The following ABLIM1 variants were observed in gnomAD, a reference collection of about 807,000 sequenced individuals.
ABLIM1 encodes actin-binding LIM protein 1.
A neutral mutation model predicts 107.0 loss-of-function variants in ABLIM1; 40 were observed. That is an observed-to-expected ratio of 0.37 (90% CI 0.29 to 0.49). The LOEUF (loss-of-function observed/expected upper bound fraction) is 0.49, where lower values mean the gene tolerates loss of function less well. ABLIM1 is among the 20% of genes least tolerant of loss of function. The pLI, the probability that ABLIM1 is intolerant of heterozygous loss-of-function variation, is 0.97. For synonymous variants in ABLIM1, 357 were observed against 357.3 expected, an observed-to-expected ratio of 1.00 and a Z score of 0.01; for missense variants, 857 against 1,008.5, an observed-to-expected ratio of 0.85 and a Z score of 2.04.
At chr10:114,659,070 A>G (rs144260416), upstream of ABLIM1, among the ~76,000 whole-genome samples, 3 of 152,306 alleles carry the variant, frequency 2.0e-5, no homozygotes, top group East Asian at 3.9e-4. Context: ...CCAAGTCAAA[A>G]TGAATAAACT....
intron 2 of ABLIM1, among the ~76,000 whole-genome samples, chr10:114,599,240 T>G (rs1566057681): frequency 6.6e-6 from 1 of 152,326 alleles, no homozygotes; most frequent in Non-Finnish European, 1.5e-5. Context: ...TAGAATTTAA[T>G]TTAAACAAAA....
chr10:114,543,743 C>T (rs2066974880), intron 6 of ABLIM1, among the ~76,000 whole-genome samples: 1 of 152,230 alleles, frequency 6.6e-6, no homozygotes, highest in South Asian at 2.1e-4. Flanking sequence ...TGGGACCCTG[C>T]CCACTTCTCC....
At chr10:114,670,787 G>A (rs1299070969) in intron 1 of ABLIM1, among the ~76,000 whole-genome samples, 1 of 152,232 alleles carries the variant, frequency 6.6e-6, no homozygotes, top group Non-Finnish European at 1.5e-5. Context: ...AAGCCTCTGT[G>A]CCCAGCCTTT....
chr10:114,710,192 A>G (rs2081517559), intron 1 of ABLIM1, among the ~76,000 whole-genome samples: 1 of 152,222 alleles, frequency 6.6e-6, no homozygotes, highest in Non-Finnish European at 1.5e-5. Context: ...TTTGGCAACT[A>G]TCAGAATTGT....
rs1275787891 is a variant in ABLIM1 at position 114,433,084 on chromosome 10, G to A, written c.*3176C>T. On this transcript the variant is annotated 3_prime_UTR_variant, in exon 23 of 23. Coordinates refer to ENST00000533213, the MANE Select transcript of ABLIM1 (RefSeq NM_002313.7). ...CTTCATGCCATCATTATGCACTTAAGAGTCCCAAGGAAGTCAAATGTTCCC... is the reference window on the plus strand; with the variant it reads ...CTTCATGCCATCATTATGCACTTAAAAGTCCCAAGGAAGTCAAATGTTCCC... 6.6e-6 allele frequency: 1 copy of A among 152,178 alleles called. No homozygotes were observed. The highest frequency in any genetic ancestry group is 1.5e-5 in the Non-Finnish European group (1 of 68,022). The allele number at this position is 152,178 out of a possible 1,614,324, so 9.4% of individuals were successfully genotyped here.
At chr10:114,672,727 T>C (rs4752099) in intron 1 of ABLIM1, among the ~76,000 whole-genome samples, 53,068 of 152,060 alleles carry the variant, frequency 0.35, 9,754 homozygotes, top group South Asian at 0.44. Flanking sequence ...AGGTATTCTA[T>C]GCTTTATTCC....
chr10:114,777,002 C>T, the ABLIM1 span, among the ~76,000 whole-genome samples: 2 of 152,276 alleles, frequency 1.3e-5, no homozygotes, highest in African/African-American at 2.4e-5. Flanking sequence ...TTAGGTTGCA[C>T]TTGTCTTTTA....
intron 4 of ABLIM1, among the ~76,000 whole-genome samples, chr10:114,562,483 C>T (rs1006876434): frequency 6.6e-6 from 1 of 152,156 alleles, no homozygotes; most frequent in African/African-American, 2.4e-5. Flanking sequence ...GAGCCAAGAT[C>T]GCGCCACTGC....
chr10:114,798,430 A>T, the ABLIM1 span, among the ~76,000 whole-genome samples: 1 of 151,298 alleles, frequency 6.6e-6, no homozygotes, highest in Admixed American at 6.6e-5. Context: ...TTTTAAAAAA[A>T]AAAACAACAT....
At chr10:114,545,886 G>A (rs1428236204) in intron 5 of ABLIM1, among the ~76,000 whole-genome samples, 4 of 140,916 alleles carry the variant, frequency 2.8e-5, no homozygotes, top group Non-Finnish European at 4.5e-5. Context: ...AGCCAAGATC[G>A]CACCATTGCA....
intron 6 of ABLIM1, among the ~76,000 whole-genome samples, chr10:114,505,301 T>C (rs1191698301): frequency 6.6e-6 from 1 of 152,220 alleles, no homozygotes; most frequent in Non-Finnish European, 1.5e-5. Flanking sequence ...TTCAACACTC[T>C]TGAAATCTAA....
exon 1 of ABLIM1, chr10:114,684,483 AGGGAG>A (rs1320893002): frequency 1.2e-4 from 170 of 1,455,072 alleles, no homozygotes; most frequent in Non-Finnish European, 1.5e-4. Context: ...ACTGGACCCG[AGGGAG>A]GGGTGTGCCA....
the ABLIM1 span, among the ~76,000 whole-genome samples, chr10:114,789,612 C>A: frequency 8.9e-3 from 1,359 of 152,190 alleles, 13 homozygotes; most frequent in African/African-American, 0.022. Context: ...TTTTTAACAG[C>A]CATTCTGACT....
the ABLIM1 span, among the ~76,000 whole-genome samples, chr10:114,775,310 C>T: frequency 2.0e-5 from 3 of 152,144 alleles, no homozygotes; most frequent in African/African-American, 4.8e-5. Context: ...GGTGGGGACA[C>T]AGAACCAAAC....
At chr10:114,609,570 C>T (rs2076665950) in intron 1 of ABLIM1, among the ~76,000 whole-genome samples, 1 of 152,174 alleles carries the variant, frequency 6.6e-6, no homozygotes, top group African/African-American at 2.4e-5. Flanking sequence ...TCAGTTCCTC[C>T]AAATGTCTGA....
intron 4 of ABLIM1, among the ~76,000 whole-genome samples, chr10:114,557,121 C>A (rs2068847000): frequency 6.6e-6 from 1 of 152,150 alleles, no homozygotes; most frequent in South Asian, 2.1e-4. Flanking sequence ...CAATACTATA[C>A]ATATTTTACA....
At chr10:114,726,669 C>G (rs1209881892) in intron 1 of ABLIM1, among the ~76,000 whole-genome samples, 1 of 152,098 alleles carries the variant, frequency 6.6e-6, no homozygotes, top group Non-Finnish European at 1.5e-5. Flanking sequence ...GTAATTCCAG[C>G]TATTCGGGAG....
chr10:114,542,530 A>C (rs2066816781), intron 6 of ABLIM1, among the ~76,000 whole-genome samples: 2 of 151,612 alleles, frequency 1.3e-5, no homozygotes, highest in South Asian at 4.2e-4. Flanking sequence ...GAAGAAAGGA[A>C]GAAGGAGGAG....
intron 1 of ABLIM1, among the ~76,000 whole-genome samples, chr10:114,737,167 C>T (rs1259484219): frequency 2.6e-5 from 4 of 151,376 alleles, no homozygotes; most frequent in South Asian, 2.1e-4. Context: ...CTACTAAAAA[C>T]ACAAAAATTA....
Sources: gnomAD v4.1 joint callset for allele counts (sites outside exome capture counted in the v4.1 genomes callset) on GRCh38, gnomAD v4.1.1 for gene constraint, MANE v1.5 for transcripts, NCBI Gene and HGNC (gene_info 2026-07-23, HGNC 2026-07-21) for gene names.